The following SEC24D variants were observed in gnomAD, a reference collection of about 807,000 sequenced individuals.
The protein encoded by SEC24D is protein transport protein Sec24D.
A neutral mutation model predicts 116.9 loss-of-function variants in SEC24D; 69 were observed. The observed-to-expected ratio is 0.59, with a 90% confidence interval of 0.49 to 0.72. The LOEUF is 0.72. Among genes scored for constraint, SEC24D ranks in the 30% least tolerant of loss-of-function variants. SEC24D has a pLI of 0.00. For synonymous variants in SEC24D, 405 were observed against 442.8 expected (o/e 0.91, Z 1.07); for missense variants, 1,131 against 1,264.1 (o/e 0.89, Z 1.60).
At chr4:118,832,544 C>T (rs1308368335) in intron 2 of SEC24D, among the ~76,000 whole-genome samples, 1 of 152,002 alleles carries the variant, frequency 6.6e-6, no homozygotes, top group African/African-American at 2.4e-5. Context: ...GAGTGTTATA[C>T]TTAGGTGTGT....
chr4:118,758,653 C>T (rs141703092), intron 10 of SEC24D: 2 of 152,010 alleles, frequency 1.3e-5, no homozygotes, highest in Non-Finnish European at 2.9e-5. Context: ...AGAATTTAGA[C>T]CAACTTAATT....
At chr4:118,795,858 G>A (rs1023819250) in intron 8 of SEC24D, among the ~76,000 whole-genome samples, 6 of 152,156 alleles carry the variant, frequency 3.9e-5, no homozygotes, top group African/African-American at 1.4e-4. Context: ...GGCTACATAG[G>A]TATACACAGT....
chr4:118,803,913 T>A (rs1014006129), intron 7 of SEC24D, among the ~76,000 whole-genome samples: 1 of 151,978 alleles, frequency 6.6e-6, no homozygotes, highest in Non-Finnish European at 1.5e-5. Flanking sequence ...GCTATAATAA[T>A]AATGTTAATT....
chr4:118,723,807 G>C, intron 22 of SEC24D, 152 bp from the exon 23 acceptor site: 1 of 852,452 alleles, frequency 1.2e-6, no homozygotes, highest in Non-Finnish European at 1.8e-6. Flanking sequence ...CTGATATCTA[G>C]AGTGGAAAGA....
chr4:118,747,966 T>C (rs973551376), intron 13 of SEC24D, among the ~76,000 whole-genome samples: 1 of 152,170 alleles, frequency 6.6e-6, no homozygotes, highest in Admixed American at 6.5e-5. Context: ...GATTGTCTTG[T>C]TAATATTACC....
At chr4:118,780,963 A>C (rs2110486421) in intron 8 of SEC24D, among the ~76,000 whole-genome samples, 1 of 103,790 alleles carries the variant, frequency 9.6e-6, no homozygotes, top group South Asian at 2.9e-4. Flanking sequence ...ATCTTCCTCC[A>C]TCCCTTTATT....
chr4:118,739,075 T>C, intron 18 of SEC24D, 74 bp downstream of exon 18: 1 of 1,502,232 alleles, frequency 6.7e-7, no homozygotes, highest in Non-Finnish European at 9.2e-7. Context: ...ACTACAGTGC[T>C]TTTTAGCTAC....
Position 118,743,972 on chromosome 4 carries a change from A to C in SEC24D, c.1995+16T>G. 2 of 1,589,170 alleles carry C rather than the reference A, an allele frequency of 1.3e-6. No individual in the cohort carries two copies. The stretch of plus-strand genomic sequence containing the variant: ...TGGGAGTAGAAGACCAAGGTGAACA[A>C]ATTGCTGGCATTTACCTGGAAATTG... On this transcript the variant is annotated intron_variant, in intron 15 of 22. Coordinates refer to ENST00000280551, the MANE Select transcript of SEC24D (RefSeq NM_014822.4).
intron 13 of SEC24D, among the ~76,000 whole-genome samples, chr4:118,746,392 T>C (rs1311936026): frequency 6.6e-6 from 1 of 152,048 alleles, no homozygotes. Flanking sequence ...CACATGTATT[T>C]TCTTTAACAC....
chr4:118,774,234 G>A (rs540889918), intron 8 of SEC24D, among the ~76,000 whole-genome samples: 1 of 151,898 alleles, frequency 6.6e-6, no homozygotes, highest in South Asian at 2.1e-4. Context: ...TATTTGTTCT[G>A]TCTTAATTAT....
At chr4:118,763,399 AT>A (rs35782103) in intron 10 of SEC24D, among the ~76,000 whole-genome samples, 39,832 of 152,132 alleles carry the variant, frequency 0.26, 6,385 homozygotes, top group East Asian at 0.45. Flanking sequence ...AAAAATGTTC[AT>A]TATCATCTAC....
At chr4:118,818,882 T>A (rs951414591) in intron 3 of SEC24D, among the ~76,000 whole-genome samples, 1 of 152,202 alleles carries the variant, frequency 6.6e-6, no homozygotes, top group Non-Finnish European at 1.5e-5. Context: ...CCAAAAATAC[T>A]GTTAAACAAA....
intron 14 of SEC24D, among the ~76,000 whole-genome samples, chr4:118,744,363 G>A (rs1047006644): frequency 3.3e-5 from 5 of 152,138 alleles, no homozygotes; most frequent in African/African-American, 7.2e-5. Context: ...TGCCAGGTCC[G>A]TGCTGTGTGA....
intron 19 of SEC24D, among the ~76,000 whole-genome samples, chr4:118,737,238 G>A (rs1726006053): frequency 6.6e-6 from 1 of 152,304 alleles, no homozygotes; most frequent in African/African-American, 2.4e-5. Context: ...TATTTGAGTT[G>A]ACTAAAATGG....
At position 118,745,080 on chromosome 4, in the gene SEC24D, C is replaced by T. The variant is rs1310526452; in HGVS notation, c.1708-20G>A. 6 of 1,195,926 alleles carry T rather than the reference C, an allele frequency of 5.0e-6. No individual in the cohort carries two copies. Among genetic ancestry groups the T allele is most frequent in the Non-Finnish European group, 7.2e-6 (6 of 828,100 alleles). 74.1% of individuals were successfully genotyped at this position (1,195,926 alleles called of 1,614,324 possible). On this transcript the variant is annotated intron_variant, in intron 13 of 22. Coordinates refer to ENST00000280551, the MANE Select transcript of SEC24D (RefSeq NM_014822.4). The stretch of plus-strand genomic sequence containing the variant: ...TGCTGCCTAAAAAAAAAAAAAAACC[C>T]AAAAACCCACAGAAAATGCCGTGAG...
At chr4:118,809,021 T>C (rs1183161821) in intron 6 of SEC24D, among the ~76,000 whole-genome samples, 2 of 151,408 alleles carry the variant, frequency 1.3e-5, no homozygotes, top group African/African-American at 2.4e-5. Context: ...TCGCCCAGGC[T>C]GGAGTGCAGT....
At chr4:118,801,610 G>A (rs1457927767) in intron 7 of SEC24D, among the ~76,000 whole-genome samples, 3 of 152,092 alleles carry the variant, frequency 2.0e-5, no homozygotes, top group African/African-American at 7.2e-5. Flanking sequence ...GTATTTGAAA[G>A]TTTATTTTAA....
Position 118,723,583 on chromosome 4 carries a change from A to G in SEC24D, c.3031T>C (p.Tyr1011His), listed in dbSNP as rs1291041504. Residue 1011 changes from tyrosine to histidine, a missense_variant, in exon 23 of 23, where the codon TAC becomes CAC. Transcript: ENST00000280551. ...AAATCCACATAAGAAGAGCCTCCGT[A>G]AAGTCCTTTGTCTTCTACCAGGAAC... ...RQFLVEDKGL[Y>H]GGSSYVDFLC... 6.2e-7 allele frequency: 1 copy of G among 1,614,016 alleles called. No homozygotes were observed. Among genetic ancestry groups the G allele is most frequent in the Non-Finnish European group, 8.5e-7 (1 of 1,179,892 alleles).
intron 8 of SEC24D, among the ~76,000 whole-genome samples, chr4:118,786,469 G>A (rs1728668301): frequency 6.6e-6 from 1 of 152,100 alleles, no homozygotes; most frequent in South Asian, 2.1e-4. Context: ...TGTAGACCCT[G>A]GTACTCTTGA....
Sources: allele counts gnomAD v4.1 joint callset (sites outside exome capture counted in the v4.1 genomes callset), GRCh38; gene constraint gnomAD v4.1.1; transcripts MANE v1.5; gene names NCBI Gene and HGNC (gene_info 2026-07-23, HGNC 2026-07-21).